The following EIF4G3 variants were observed in gnomAD, a reference collection of about 807,000 sequenced individuals.
EIF4G3 encodes the protein eIF-4-gamma 3.
Under a neutral mutation model 186.4 loss-of-function variants are expected in EIF4G3, and 34 were observed. The ratio of observed to expected loss-of-function variants is 0.18; its 90% CI spans 0.14 to 0.24. The LOEUF (loss-of-function observed/expected upper bound fraction) is 0.24, where lower values mean the gene tolerates loss of function less well. EIF4G3 is among the 10% of genes least tolerant of loss of function. The probability of loss-of-function intolerance (pLI) is 1.00; values close to 1 mark genes in which losing one functional copy is unlikely to be tolerated. For synonymous variants in EIF4G3, 673 were observed against 679.5 expected, an observed-to-expected ratio of 0.99 and a Z score of 0.15; for missense variants, 1,536 against 1,948.5, an observed-to-expected ratio of 0.79 and a Z score of 3.99.
intron 2 of EIF4G3, among the ~76,000 whole-genome samples, chr1:21,137,891 T>C (rs1430686584): frequency 6.6e-6 from 1 of 150,794 alleles, no homozygotes; most frequent in Non-Finnish European, 1.5e-5. Context: ...AAGTAATCCA[T>C]AACTAAATCT....
chr1:21,020,139 G>A (rs932347958), intron 4 of EIF4G3, among the ~76,000 whole-genome samples: 3 of 152,012 alleles, frequency 2.0e-5, no homozygotes, highest in African/African-American at 4.8e-5. Flanking sequence ...TCTTTGCAAC[G>A]TGCCAAAACA....
At chr1:21,088,634 G>A (rs772007802) in intron 3 of EIF4G3, among the ~76,000 whole-genome samples, 17 of 152,118 alleles carry the variant, frequency 1.1e-4, no homozygotes, top group Non-Finnish European at 2.4e-4. Flanking sequence ...GGAGGCCAAG[G>A]CAGGTGGATC....
chr1:20,865,777 T>C (rs976590140), intron 20 of EIF4G3, among the ~76,000 whole-genome samples: 1 of 152,156 alleles, frequency 6.6e-6, no homozygotes, highest in Non-Finnish European at 1.5e-5. Context: ...GGGAATGTCA[T>C]AATGTTAGCA....
At chr1:20,944,587 G>A (rs995138201) in intron 13 of EIF4G3, among the ~76,000 whole-genome samples, 9 of 151,724 alleles carry the variant, frequency 5.9e-5, no homozygotes, top group Admixed American at 2.0e-4. Flanking sequence ...GAGAGAGAGA[G>A]AAAAAGAGAA....
intron 2 of EIF4G3, among the ~76,000 whole-genome samples, chr1:21,172,671 A>G (rs553511865): frequency 6.2e-4 from 94 of 151,966 alleles, no homozygotes; most frequent in African/African-American, 2.2e-3. Flanking sequence ...GCCTCAGCCT[A>G]CCAAGTAGCT....
intron 12 of EIF4G3, among the ~76,000 whole-genome samples, chr1:20,957,341 GATA>G (rs1454281099): frequency 6.6e-6 from 1 of 152,024 alleles, no homozygotes; most frequent in Non-Finnish European, 1.5e-5. Flanking sequence ...TGAATCAAAT[GATA>G]ATAATGATAC....
intron 2 of EIF4G3, among the ~76,000 whole-genome samples, chr1:21,149,014 T>C (rs951835621): frequency 2.0e-5 from 3 of 151,868 alleles, no homozygotes; most frequent in Non-Finnish European, 2.9e-5. Flanking sequence ...GAGGATAGCT[T>C]GAGCCCAGGA....
chr1:20,981,913 C>T (rs183862608), intron 8 of EIF4G3, among the ~76,000 whole-genome samples: 2 of 152,164 alleles, frequency 1.3e-5, no homozygotes, highest in East Asian at 3.9e-4. Context: ...GTAAGTGGTT[C>T]ATTATCAAAT....
intron 19 of EIF4G3, among the ~76,000 whole-genome samples, chr1:20,881,093 T>C (rs2082186926): frequency 6.6e-6 from 1 of 152,190 alleles, no homozygotes; most frequent in African/African-American, 2.4e-5. Flanking sequence ...AAACTTTCTA[T>C]ATAAAGACAG....
In EIF4G3 at chr1:21,091,075, C is replaced by T. The variant is rs142410197; in HGVS notation, c.-271-1862G>A. 1.4e-3 allele frequency among the ~76,000 whole-genome samples: 215 copies of T among 152,178 alleles called. 1 individual carries two copies. The highest frequency in any genetic ancestry group is 5.0e-3 in the African/African-American group (209 of 41,518). The stretch of plus-strand genomic sequence containing the variant: ...ACTATACCCTATTTCACAAAGATAC[C>T]GAACAGGATTTCTCAAAACATGTAC... On this transcript the variant is annotated intron_variant, in intron 2 of 36. Transcript: ENST00000602326.
intron 25 of EIF4G3, among the ~76,000 whole-genome samples, chr1:20,856,320 C>A (rs1385155933): frequency 6.6e-6 from 1 of 152,160 alleles, no homozygotes; most frequent in Non-Finnish European, 1.5e-5. Flanking sequence ...CAGTTATCTT[C>A]TTTCATGTAG....
intron 13 of EIF4G3, among the ~76,000 whole-genome samples, chr1:20,948,290 C>T (rs2096058475): frequency 6.6e-6 from 1 of 152,210 alleles, no homozygotes; most frequent in Admixed American, 6.5e-5. Flanking sequence ...CACATTTGGT[C>T]TACAGTCTGT....
At chr1:21,151,236 C>CTTTTTT (rs71014161) in intron 2 of EIF4G3, among the ~76,000 whole-genome samples, 40,965 of 80,138 alleles carry the variant, frequency 0.51, 14,538 homozygotes, top group Non-Finnish European at 0.63. Flanking sequence ...GTATTTCTTT[C>CTTTTTT]TTTTTTTTTT....
intron 15 of EIF4G3, among the ~76,000 whole-genome samples, chr1:20,904,635 A>G (rs1165373048): frequency 1.3e-5 from 2 of 152,206 alleles, no homozygotes; most frequent in African/African-American, 4.8e-5. Flanking sequence ...GTTGTTAGCC[A>G]CTGTGCCTGG....
At chr1:20,853,917 C>T (rs1188387575) in intron 26 of EIF4G3, among the ~76,000 whole-genome samples, 2 of 152,000 alleles carry the variant, frequency 1.3e-5, no homozygotes. Flanking sequence ...ACATAGTAAA[C>T]AGGGGTGGGA....
intron 4 of EIF4G3, among the ~76,000 whole-genome samples, chr1:21,011,802 T>C (rs1249472639): frequency 6.6e-6 from 1 of 152,212 alleles, no homozygotes; most frequent in East Asian, 1.9e-4. Context: ...CTTTTTAGTA[T>C]ACTGTATTGA....
Position 20,811,464 on chromosome 1 carries a change from A to G in EIF4G3, c.4598-580T>C, listed in dbSNP as rs548486233. 2.6e-5 allele frequency among the ~76,000 whole-genome samples: 4 copies of G among 152,350 alleles called. No homozygotes were observed. In the East Asian group the frequency reaches 5.8e-4, roughly 22 times the overall value. On this transcript the variant is annotated intron_variant, in intron 35 of 36. Transcript: ENST00000602326. Reference sequence around the variant, plus strand: ...GACCCATATGGCTCTACAAGAGAAGAGGAGGCAAGAAGGTCTAAGGCAAAT... The same window carrying G: ...GACCCATATGGCTCTACAAGAGAAGGGGAGGCAAGAAGGTCTAAGGCAAAT...
chr1:21,124,467 C>G (rs570601081), intron 2 of EIF4G3, among the ~76,000 whole-genome samples: 7 of 152,272 alleles, frequency 4.6e-5, no homozygotes, highest in South Asian at 2.1e-4. Flanking sequence ...TTATGGAAAT[C>G]TAAAGGGTAG....
intron 29 of EIF4G3, among the ~76,000 whole-genome samples, chr1:20,847,250 A>G (rs1478609352): frequency 6.6e-6 from 1 of 152,204 alleles, no homozygotes; most frequent in Non-Finnish European, 1.5e-5. Flanking sequence ...AATATGTACA[A>G]CAGCACCCAA....
Sources: gnomAD v4.1 joint callset for allele counts (sites outside exome capture counted in the v4.1 genomes callset) on GRCh38, gnomAD v4.1.1 for gene constraint, MANE v1.5 for transcripts, NCBI Gene and HGNC (gene_info 2026-07-23, HGNC 2026-07-21) for gene names.